The following MOK variants were observed in gnomAD, a reference collection of about 807,000 sequenced individuals.
MOK encodes MOK protein kinase, also known as MAPK/MAK/MRK overlapping kinase.
Under a neutral mutation model 54.2 loss-of-function variants are expected in MOK, and 59 were observed. The observed-to-expected ratio is 1.09, with a 90% CI of 0.88 to 1.35. The LOEUF is 1.35. Ranked by LOEUF, MOK falls within the 40% of genes most tolerant of loss-of-function variation. The pLI, the probability that MOK is intolerant of heterozygous loss-of-function variation, is 0.00. For missense variants in MOK, 517 were observed against 526.2 expected, an observed-to-expected ratio of 0.98 and a Z score of 0.17; for synonymous variants, 210 against 202.7, an observed-to-expected ratio of 1.04 and a Z score of -0.31.
chr14:102,254,366 C>A (rs1326293024), intron 4 of MOK, among the ~76,000 whole-genome samples: 1 of 152,180 alleles, frequency 6.6e-6, no homozygotes, highest in Non-Finnish European at 1.5e-5. Context: ...GAATTAAAAT[C>A]AAAAGAATCA....
chr14:102,245,617 C>A lies in MOK; in HGVS notation c.590+5195G>T, dbSNP rs770310727. 6.6e-6 allele frequency among the ~76,000 whole-genome samples: 1 copy of A among 152,086 alleles called. No individual in the cohort carries two copies. The highest frequency in any genetic ancestry group is 1.5e-5 in the Non-Finnish European group (1 of 68,016). Reference sequence around the variant, plus strand: ...AACCCCCTTTGACTGTAATTTTCCACTACCTACCCAAATCCTCTACAACGG... The same window carrying A: ...AACCCCCTTTGACTGTAATTTTCCAATACCTACCCAAATCCTCTACAACGG... On this transcript the variant is annotated intron_variant, in intron 7 of 11. Coordinates refer to ENST00000361847, the MANE Select transcript of MOK (RefSeq NM_014226.3). This position sits in a 1 kb window ranked among gnomAD's most constrained non-coding sequence, Gnocchi z 4.3.
intron 1 of MOK, among the ~76,000 whole-genome samples, chr14:102,301,573 T>C (rs1372960165): frequency 2.6e-5 from 4 of 152,190 alleles, no homozygotes; most frequent in Non-Finnish European, 4.4e-5. Context: ...AATTTCACCA[T>C]TACTCACTTT....
In MOK at chr14:102,230,192, C is replaced by CA. The variant is rs1407112753; in HGVS notation, c.982-536dup. 8 of 156,670 alleles carry CA rather than the reference C, an allele frequency of 5.1e-5. No homozygotes were observed. The highest frequency in any genetic ancestry group is 1.1e-4 in the Non-Finnish European group (8 of 70,904). 9.7% of individuals were successfully genotyped at this position (156,670 alleles called of 1,614,324 possible). On this transcript the variant is annotated intron_variant, in intron 10 of 11. Coordinates refer to ENST00000361847, the MANE Select transcript of MOK (RefSeq NM_014226.3). The surrounding 1 kb of genome is among the most constrained non-coding windows in gnomAD (Gnocchi z 4.1). Reference sequence around the variant, plus strand: ...CCAAGTAGCTGGGACCAAAGGCACGCACCACACCCAGCTAATTTTTAAAAC... The same window carrying CA: ...CCAAGTAGCTGGGACCAAAGGCACGCAACCACACCCAGCTAATTTTTAAAAC...
Position 102,263,624 on chromosome 14 carries a change from A to C in MOK, c.213-8T>G, listed in dbSNP as rs1287437748. 1 of 1,589,754 alleles carries C rather than the reference A, an allele frequency of 6.3e-7. No homozygotes were observed. Among genetic ancestry groups the C allele is most frequent in the East Asian group, 2.2e-5 (1 of 44,646 alleles). Reference sequence around the variant, plus strand: ...GAACCAGATTTTCTGTCACTGAAGAAGAAAGCAAGTTTTTAAAATAAATTT... The same window carrying C: ...GAACCAGATTTTCTGTCACTGAAGACGAAAGCAAGTTTTTAAAATAAATTT... On this transcript the variant is annotated splice_region_variant and splice_polypyrimidine_tract_variant and intron_variant, in intron 3 of 11. Coordinates refer to ENST00000361847, the MANE Select transcript of MOK (RefSeq NM_014226.3).
At chr14:102,270,031 A>G (rs1329726179) in intron 2 of MOK, among the ~76,000 whole-genome samples, 2 of 152,222 alleles carry the variant, frequency 1.3e-5, no homozygotes, top group East Asian at 3.8e-4. Context: ...GCTGGACCAT[A>G]AGGTAAGTCT....
chr14:102,229,948 TGCTCTA>T, intron 10 of MOK: 1 of 402,032 alleles, frequency 2.5e-6, no homozygotes, highest in Non-Finnish European at 4.4e-6. Flanking sequence ...TCCTGCCTCC[TGCTCTA>T]GCTCCAAGGT....
intron 1 of MOK, among the ~76,000 whole-genome samples, chr14:102,294,919 G>T (rs2071271707): frequency 6.6e-6 from 1 of 152,154 alleles, no homozygotes; most frequent in Admixed American, 6.6e-5. Context: ...AGATAAAGGG[G>T]TCACTTGTTT....
At chr14:102,258,574 T>C (rs1016917635) in intron 4 of MOK, among the ~76,000 whole-genome samples, 5 of 152,208 alleles carry the variant, frequency 3.3e-5, no homozygotes, top group Non-Finnish European at 7.3e-5. Flanking sequence ...GCCTCTGGAA[T>C]AGCCCATGGC....
downstream of MOK, chr14:102,226,462 T>G (rs938045157): frequency 2.8e-6 from 2 of 701,994 alleles, no homozygotes; most frequent in Non-Finnish European, 5.2e-6. The surrounding 1 kb of genome is among the most constrained non-coding windows in gnomAD (Gnocchi z 4.8). Context: ...ATGGAAATAA[T>G]CCGGCCAGCC....
intron 7 of MOK, among the ~76,000 whole-genome samples, chr14:102,250,538 C>G (rs956020304): frequency 6.6e-6 from 1 of 152,160 alleles, no homozygotes; most frequent in Admixed American, 6.5e-5. Context: ...AAGCACCTCA[C>G]AGCAACCCCA....
chr14:102,266,621 T>G (rs967881119), intron 2 of MOK, among the ~76,000 whole-genome samples: 1 of 151,658 alleles, frequency 6.6e-6, no homozygotes, highest in African/African-American at 2.4e-5. Flanking sequence ...TCTCTCTTGT[T>G]GCCCAGGCTG....
chr14:102,271,566 CT>C (rs528872330), intron 2 of MOK, among the ~76,000 whole-genome samples: 2 of 150,086 alleles, frequency 1.3e-5, no homozygotes, highest in South Asian at 2.1e-4. Context: ...CTAACAAAAA[CT>C]TTTTTTTTTA....
At chr14:102,283,642 T>C in intron 1 of MOK, 50 bp from the exon 2 acceptor site, 2 of 1,170,134 alleles carry the variant, frequency 1.7e-6, no homozygotes, top group Non-Finnish European at 1.3e-6. Context: ...TGCATACACT[T>C]GTATTCACTT....
At chr14:102,257,269 G>A (rs959892278) in intron 4 of MOK, among the ~76,000 whole-genome samples, 2 of 152,042 alleles carry the variant, frequency 1.3e-5, no homozygotes, top group African/African-American at 4.8e-5. Flanking sequence ...TGACGGCATG[G>A]ATCACGGCTG....
chr14:102,302,973 C>A (rs982219335), intron 1 of MOK, among the ~76,000 whole-genome samples: 2 of 151,262 alleles, frequency 1.3e-5, no homozygotes, highest in African/African-American at 4.9e-5. Flanking sequence ...ACCAGCCTGG[C>A]CAACATGTTG....
chr14:102,247,535 G>A (rs2066183180), intron 7 of MOK: 1 of 152,166 alleles, frequency 6.6e-6, no homozygotes, highest in African/African-American at 2.4e-5. Context: ...ATAACTACAG[G>A]AGGTGGAACT....
intron 4 of MOK, among the ~76,000 whole-genome samples, chr14:102,256,556 A>G (rs2066970372): frequency 1.3e-5 from 2 of 151,654 alleles, no homozygotes; most frequent in South Asian, 4.2e-4. Context: ...TGGGCAACAG[A>G]GCGAGACTCC....
the MOK span, among the ~76,000 whole-genome samples, chr14:102,215,474 T>C: frequency 2.0e-5 from 3 of 152,176 alleles, no homozygotes; most frequent in African/African-American, 7.2e-5. Flanking sequence ...TTTATTTTGC[T>C]GTAAGTTCTG....
chr14:102,251,102 T>C (rs1597367649), intron 6 of MOK, 112 bp from the exon 7 acceptor site: 1 of 1,161,534 alleles, frequency 8.6e-7, no homozygotes, highest in South Asian at 1.5e-5. Flanking sequence ...TCTAAAGTAG[T>C]CTGTAAAATA....
Sources: allele counts gnomAD v4.1 joint callset (sites outside exome capture counted in the v4.1 genomes callset), GRCh38; gene constraint gnomAD v4.1.1; non-coding constraint Gnocchi (gnomAD v3.1); transcripts MANE v1.5; gene names NCBI Gene and HGNC (gene_info 2026-07-23, HGNC 2026-07-21).